ASMTL: variants seen among roughly 807,000 people sequenced by gnomAD.
ASMTL encodes acetylserotonin O-methyltransferase like.
Under a neutral mutation model 60.3 loss-of-function variants are expected in ASMTL, and 57 were observed. That is an observed-to-expected ratio of 0.95 (90% CI 0.76 to 1.18). The LOEUF (loss-of-function observed/expected upper bound fraction) is 1.18. Ranked by LOEUF, ASMTL falls within the 50% of genes most tolerant of loss-of-function variation. The pLI, the probability that ASMTL is intolerant of heterozygous loss-of-function variation, is 0.00. For missense variants in ASMTL, 981 were observed against 852.6 expected, an observed-to-expected ratio of 1.15 and a Z score of -1.88; for synonymous variants, 419 against 373.0, an observed-to-expected ratio of 1.12 and a Z score of -1.42.
chrX:1,431,553 CTATAT>C (rs1216311438), intron 6 of ASMTL, among the ~76,000 whole-genome samples: 3 of 142,304 alleles, frequency 2.1e-5, no homozygotes, highest in African/African-American at 5.1e-5. Flanking sequence ...AATATATAAT[CTATAT>C]TATAATATCT....
chrX:1,442,124 C>A (rs529952584), intron 2 of ASMTL, 62 bp downstream of exon 2: 58 of 1,580,282 alleles, frequency 3.7e-5, no homozygotes, highest in Middle Eastern at 2.2e-4. Context: ...ATTTACCACC[C>A]GCAAATCCCC....
intron 1 of ASMTL, among the ~76,000 whole-genome samples, chrX:1,450,353 G>C (rs2091329496): frequency 1.3e-5 from 2 of 151,792 alleles, no homozygotes; most frequent in African/African-American, 4.9e-5. Flanking sequence ...ATCAGTCACA[G>C]GGCCCACTCC....
Position 1,432,395 on chromosome X carries a change from T to TG in ASMTL, c.401-19dup, listed in dbSNP as rs765425268. The TG allele has an allele frequency of 1.9e-6, 3 of 1,603,746 alleles. No homozygotes were observed. The highest frequency in any genetic ancestry group is 3.4e-5 in the Admixed American group (2 of 59,530). On this transcript the variant is annotated intron_variant, in intron 5 of 12. Coordinates refer to ENST00000381317, the MANE Select transcript of ASMTL (RefSeq NM_004192.4). ...CTGATGGTCTGCAAGGACACAGCCGTGGGGGTGAGCGTGGACGCCAGCTTG... is the reference window on the plus strand; with the variant it reads ...CTGATGGTCTGCAAGGACACAGCCGTGGGGGGTGAGCGTGGACGCCAGCTTG...
At position 1,425,557 on chromosome X, in the gene ASMTL, G is replaced by A. The variant is rs746543072; in HGVS notation, c.1028C>T (p.Ala343Val). ...CGMERLLDICAAMGLLEKTEQ... is the reference protein window; with the variant it reads ...CGMERLLDICVAMGLLEKTEQ... ...TGTCTTCTCCAGGAGCCCCATGGCA[G>A]CACAGATGTCCAGAAGCCTCTCCAT... is the stretch of plus-strand genomic sequence containing the variant. Residue 343 changes from alanine (A) to valine (V), a missense_variant, in exon 8 of 13, where the codon GCT becomes GTT. Coordinates refer to ENST00000381317, the MANE Select transcript of ASMTL (RefSeq NM_004192.4). 3 of 1,613,242 alleles carry A rather than the reference G, an allele frequency of 1.9e-6. No individual in the cohort carries two copies. Among genetic ancestry groups the A allele is most frequent in the Admixed American group, 1.7e-5 (1 of 59,972 alleles).
chrX:1,446,721 G>A (rs1220019368), intron 1 of ASMTL, among the ~76,000 whole-genome samples: 3 of 151,944 alleles, frequency 2.0e-5, no homozygotes, highest in Admixed American at 6.6e-5. Flanking sequence ...GGATGGTCTC[G>A]ATCTCCTGAC....
At chrX:1,437,840 T>C (rs2091010298) in intron 3 of ASMTL, among the ~76,000 whole-genome samples, 1 of 149,316 alleles carries the variant, frequency 6.7e-6, no homozygotes, top group Non-Finnish European at 1.5e-5. Context: ...GAGGTTGCAA[T>C]GAGCTGAGAT....
chrX:1,415,002 G>A (rs769609497), intron 11 of ASMTL, among the ~76,000 whole-genome samples: 5 of 152,040 alleles, frequency 3.3e-5, no homozygotes, highest in East Asian at 3.9e-4. Context: ...GTGCAGTGGC[G>A]CGATCTCGGC....
intron 7 of ASMTL, among the ~76,000 whole-genome samples, chrX:1,425,988 T>G (rs749112698): frequency 6.6e-6 from 1 of 152,254 alleles, no homozygotes; most frequent in Non-Finnish European, 1.5e-5. Flanking sequence ...ATCCCCCCAG[T>G]CCCTCAGGAT....
upstream of ASMTL, chrX:1,452,965 T>C (rs1376837867): frequency 8.4e-6 from 6 of 713,948 alleles, no homozygotes; most frequent in African/African-American, 2.0e-5. Flanking sequence ...CCCGCCCGCC[T>C]CCGCGAGGCC....
chrX:1,438,695 A>G (rs1472594117), intron 3 of ASMTL, among the ~76,000 whole-genome samples: 1 of 152,216 alleles, frequency 6.6e-6, no homozygotes, highest in Non-Finnish European at 1.5e-5. Flanking sequence ...TATAGAATTA[A>G]TGTAGCTTAT....
At chrX:1,424,673 C>CATCCATCTACCCACCTTT (rs2090566765) in intron 8 of ASMTL, among the ~76,000 whole-genome samples, 1 of 151,436 alleles carries the variant, frequency 6.6e-6, no homozygotes, top group African/African-American at 2.4e-5. Flanking sequence ...TCGATCCATC[C>CATCCATCTACCCACCTTT]ATCCATCTAC....
chrX:1,416,468 C>G (rs765998118), intron 11 of ASMTL, among the ~76,000 whole-genome samples: 9,007 of 135,860 alleles, frequency 0.066, 578 homozygotes, highest in Admixed American at 0.17. Flanking sequence ...GACACGCAGA[C>G]ACACATGGAC....
chrX:1,414,238 G>A (rs1417688130), intron 11 of ASMTL, among the ~76,000 whole-genome samples: 13 of 152,184 alleles, frequency 8.5e-5, no homozygotes, highest in South Asian at 2.1e-4. Context: ...AGCCTCCAGA[G>A]GGAGCACAGC....
At chrX:1,428,374 G>C (rs2090673820) in intron 6 of ASMTL, among the ~76,000 whole-genome samples, 2 of 151,758 alleles carry the variant, frequency 1.3e-5, no homozygotes, top group African/African-American at 2.4e-5. Flanking sequence ...GGGCGCAATG[G>C]CTCACGGCTG....
intron 11 of ASMTL, among the ~76,000 whole-genome samples, chrX:1,416,972 G>T (rs781457874): frequency 1.3e-5 from 2 of 150,372 alleles, no homozygotes; most frequent in Non-Finnish European, 3.0e-5. Context: ...GTACAGACAC[G>T]CATGCAAGGA....
intron 1 of ASMTL, among the ~76,000 whole-genome samples, chrX:1,445,146 G>A (rs749993479): frequency 3.9e-5 from 6 of 152,196 alleles, no homozygotes; most frequent in East Asian, 1.9e-4. Context: ...AAGTCAGGTC[G>A]GCCATCCCAG....
intron 12 of ASMTL, 86 bp from the exon 13 acceptor site, chrX:1,403,575 A>G: frequency 7.8e-7 from 1 of 1,280,068 alleles, no homozygotes; most frequent in African/African-American, 1.5e-5. Flanking sequence ...AGGCAACAGG[A>G]GCTCAGAACG....
chrX:1,425,817 GA>G (rs1489463094), intron 7 of ASMTL, 130 bp from the exon 8 acceptor site: 1 of 851,892 alleles, frequency 1.2e-6, no homozygotes, highest in Non-Finnish European at 1.8e-6. Context: ...CTTTCACAGA[GA>G]ACGGTGGGGA....
upstream of ASMTL, chrX:1,452,922 G>A: frequency 8.7e-7 from 1 of 1,154,568 alleles, no homozygotes; most frequent in Middle Eastern, 2.9e-4. Context: ...AAAAAAACAG[G>A]CGGCCAGAGT....
Sources: allele counts gnomAD v4.1 joint callset (sites outside exome capture counted in the v4.1 genomes callset), GRCh38; gene constraint gnomAD v4.1.1; transcripts MANE v1.5; gene names NCBI Gene and HGNC (gene_info 2026-07-23, HGNC 2026-07-21).